MAST2: variants seen among roughly 807,000 people sequenced by gnomAD.
MAST2 encodes the protein microtubule associated serine/threonine kinase 2, also known as microtubule-associated serine/threonine-protein kinase 2.
A neutral mutation model predicts 147.4 loss-of-function variants in MAST2; 70 were observed. The ratio of observed to expected loss-of-function variants is 0.47; its 90% CI spans 0.39 to 0.58. The LOEUF (loss-of-function observed/expected upper bound fraction) is 0.58, where lower values mean the gene tolerates loss of function less well. MAST2 is among the 20% of genes least tolerant of loss of function. MAST2 has a pLI of 0.00. For missense variants in MAST2, 2,080 were observed against 2,302.3 expected (o/e 0.90, Z 1.98); for synonymous variants, 869 against 896.8 (o/e 0.97, Z 0.55).
intron 5 of MAST2, among the ~76,000 whole-genome samples, chr1:45,975,783 A>G (rs763933317): frequency 5.9e-5 from 9 of 151,896 alleles, no homozygotes; most frequent in Non-Finnish European, 1.2e-4. Context: ...ACGGAGGGCT[A>G]TATGCAGTGC....
At chr1:45,882,943 G>A (rs1646914110) in intron 4 of MAST2, among the ~76,000 whole-genome samples, 1 of 152,058 alleles carries the variant, frequency 6.6e-6, no homozygotes, top group South Asian at 2.1e-4. Context: ...AAATTCTCTT[G>A]GACTGCTTTT....
At chr1:45,847,596 G>T in intron 3 of MAST2, 1 of 806,392 alleles carries the variant, frequency 1.2e-6, no homozygotes, top group Admixed American at 2.4e-5. Flanking sequence ...TTTCCCTTTG[G>T]TGCTTTAGGT....
chr1:45,851,528 T>A (rs780321916), intron 3 of MAST2, among the ~76,000 whole-genome samples: 4 of 152,198 alleles, frequency 2.6e-5, no homozygotes, highest in Non-Finnish European at 4.4e-5. Flanking sequence ...AGAGTAGACA[T>A]CCTTGTCTTG....
chr1:45,852,285 C>T (rs1645647082), intron 3 of MAST2, among the ~76,000 whole-genome samples: 1 of 152,156 alleles, frequency 6.6e-6, no homozygotes, highest in Admixed American at 6.5e-5. Context: ...TTGGGCTGCC[C>T]TTTTATATTT....
chr1:45,804,958 T>C (rs1014841989), intron 1 of MAST2, among the ~76,000 whole-genome samples: 5 of 152,240 alleles, frequency 3.3e-5, no homozygotes, highest in Non-Finnish European at 5.9e-5. Flanking sequence ...TCAGCTCTAT[T>C]CGGGATCCTA....
chr1:45,894,290 A>T (rs1648357883), intron 4 of MAST2, among the ~76,000 whole-genome samples: 1 of 152,166 alleles, frequency 6.6e-6, no homozygotes, highest in Non-Finnish European at 1.5e-5. Context: ...TTTGGGAAAG[A>T]CAAATCTTCA....
chr1:46,029,171 G>A, intron 18 of MAST2: 1 of 555,460 alleles, frequency 1.8e-6, no homozygotes, highest in Non-Finnish European at 3.2e-6. Context: ...ATACACCTGG[G>A]TGTTCCTGTC....
At chr1:46,029,697 T>C (rs1243568341) in intron 19 of MAST2, 130 bp downstream of exon 19, 6 of 1,369,470 alleles carry the variant, frequency 4.4e-6, no homozygotes, top group Non-Finnish European at 6.1e-6. Flanking sequence ...CCCTGCTCTG[T>C]AGGCAGAAAA....
Position 45,819,252 on chromosome 1 carries a change from C to CAAA in MAST2, c.178-5166_178-5164dup, listed in dbSNP as rs35652191. ...TGGGCAACAAGAGCAAAGTCTGTCT[C>CAAA]AAAAAAAAAAAAAAAAAGAATGTAT... On this transcript the variant is annotated intron_variant, in intron 1 of 28. Transcript: ENST00000361297. Among the ~76,000 whole-genome samples the CAAA allele has an allele frequency of 4.4e-5, 5 of 112,830 alleles. No individual in the cohort carries two copies. In the East Asian group the frequency reaches 9.4e-4, roughly 21 times the overall value. 74.0% of individuals were successfully genotyped at this position (112,830 alleles called of 152,430 possible).
intron 4 of MAST2, among the ~76,000 whole-genome samples, chr1:45,895,909 A>G (rs1648654740): frequency 6.6e-6 from 1 of 152,242 alleles, no homozygotes; most frequent in Non-Finnish European, 1.5e-5. Context: ...ATAAATTATT[A>G]AAATATTTAC....
intron 4 of MAST2, among the ~76,000 whole-genome samples, chr1:45,947,551 A>G (rs1658248781): frequency 6.6e-6 from 1 of 152,162 alleles, no homozygotes; most frequent in Non-Finnish European, 1.5e-5. Flanking sequence ...GACCCAAATC[A>G]GAGAGAGAAA....
At chr1:45,922,217 G>C (rs957401953) in intron 4 of MAST2, among the ~76,000 whole-genome samples, 71 of 152,336 alleles carry the variant, frequency 4.7e-4, no homozygotes, top group African/African-American at 1.7e-3. Flanking sequence ...GGCGGCCATG[G>C]GTGGGCCCAG....
Position 46,035,472 on chromosome 1 carries a change from C to A in MAST2, c.4803C>A (p.Asn1601Lys). 6.2e-7 allele frequency: 1 copy of A among 1,613,314 alleles called. No homozygotes were observed. Among genetic ancestry groups the A allele is most frequent in the South Asian group, 1.1e-5 (1 of 91,080 alleles). Reference sequence around the variant, plus strand: ...CCAGCTCCTCCTCAGCAGGCCCCAACCTAGGTCAGTCTGGAGCCACAGACC... The same window carrying A: ...CCAGCTCCTCCTCAGCAGGCCCCAAACTAGGTCAGTCTGGAGCCACAGACC... Reference protein sequence around the residue: ...EAASSSSAGPNLGQSGATDPI... With the variant: ...EAASSSSAGPKLGQSGATDPI... The change falls in exon 29 of 29, where the codon AAC becomes AAA. Residue 1601 changes from asparagine (N) to lysine (K), a missense_variant. By Grantham distance (94) the Asn-to-Lys change is moderately conservative. This residue lies in a region of MAST2 where 1,278 missense variants were observed against 1,304.2 expected (regional missense o/e 0.98). Coordinates refer to ENST00000361297, the MANE Select transcript of MAST2 (RefSeq NM_015112.3). The surrounding 1 kb of genome is among the most constrained non-coding windows in gnomAD (Gnocchi z 5.5).
At chr1:46,030,837 ATGCCAGGGAGGAGTGCAGG>A in intron 22 of MAST2, 76 bp downstream of exon 22, 1 of 1,485,990 alleles carries the variant, frequency 6.7e-7, no homozygotes, top group Non-Finnish European at 9.0e-7. Flanking sequence ...AGAGATTCCG[ATGCCAGGGAGGAGTGCAGG>A]TGGCAGGGAG....
At chr1:45,879,001 C>G (rs1338433047) in intron 3 of MAST2, among the ~76,000 whole-genome samples, 1 of 150,026 alleles carries the variant, frequency 6.7e-6, no homozygotes, top group African/African-American at 2.5e-5. Context: ...TCTAGAATAT[C>G]TAAAGCAATC....
At chr1:45,904,037 G>A (rs1005456099) in intron 4 of MAST2, among the ~76,000 whole-genome samples, 1 of 152,198 alleles carries the variant, frequency 6.6e-6, no homozygotes, top group Non-Finnish European at 1.5e-5. Context: ...CAGGGTCTCA[G>A]TTGGCTAAGC....
At chr1:46,003,595 A>G (rs564453172) in intron 7 of MAST2, among the ~76,000 whole-genome samples, 2 of 152,104 alleles carry the variant, frequency 1.3e-5, no homozygotes, top group East Asian at 3.9e-4. Flanking sequence ...CATTCTCCTA[A>G]GTAGACTGGG....
intron 4 of MAST2, among the ~76,000 whole-genome samples, chr1:45,900,993 T>C (rs899930813): frequency 3.9e-5 from 6 of 152,230 alleles, no homozygotes; most frequent in Non-Finnish European, 8.8e-5. Context: ...GTACAGAAGC[T>C]CTTTAGTTTA....
In MAST2 at chr1:45,821,062, G is replaced by C. The variant is rs374903653; in HGVS notation, c.178-3371G>C. Among the ~76,000 whole-genome samples, 58 of 151,776 alleles carry C rather than the reference G, an allele frequency of 3.8e-4. 1 individual carries two copies. The South Asian group carries it at 0.011, about 29-fold the overall frequency. On this transcript the variant is annotated intron_variant, in intron 1 of 28. Transcript: ENST00000361297. ...CCACAGGTACATGTCACCATGCCCA[G>C]CTAACTTTTATGTGTTTTGCAGAGA...
Sources: allele counts gnomAD v4.1 joint callset (sites outside exome capture counted in the v4.1 genomes callset), GRCh38; gene constraint gnomAD v4.1.1; regional missense constraint gnomAD v4.1.1; non-coding constraint Gnocchi (gnomAD v3.1); transcripts MANE v1.5; gene names NCBI Gene and HGNC (gene_info 2026-07-23, HGNC 2026-07-21).